Variants in IGSF9B observed in about 807,000 individuals in gnomAD.
IGSF9B encodes protein turtle homolog B.
Under a neutral mutation model 143.7 loss-of-function variants are expected in IGSF9B, and 48 were observed. That is an observed-to-expected ratio of 0.33 (90% CI 0.26 to 0.42). IGSF9B has a LOEUF of 0.42. Ranked by LOEUF, IGSF9B falls within the 20% of genes least tolerant of loss-of-function variation. The pLI, the probability that IGSF9B is intolerant of heterozygous loss-of-function variation, is 1.00. For synonymous variants in IGSF9B, 903 were observed against 833.1 expected, an observed-to-expected ratio of 1.08 and a Z score of -1.44; for missense variants, 1,706 against 1,980.0, an observed-to-expected ratio of 0.86 and a Z score of 2.63.
At chr11:133,916,300 G>A (rs796772531) in intron 18 of IGSF9B, among the ~76,000 whole-genome samples, 33 of 152,322 alleles carry the variant, frequency 2.2e-4, no homozygotes, top group African/African-American at 6.5e-4. Context: ...AGAGGCAGGG[G>A]CAACAACTAC....
chr11:133,947,174 G>C (rs568995053), intron 1 of IGSF9B, among the ~76,000 whole-genome samples: 1 of 152,152 alleles, frequency 6.6e-6, no homozygotes, highest in Admixed American at 6.5e-5. Context: ...GCTAGAGGAC[G>C]CCGCAGAGAG....
rs990040853 is a variant in IGSF9B at position 133,931,322 on chromosome 11, G to C, written c.1368+131C>G. ...GCCTGGTCAGGGCAGGTCCAGAATA[G>C]AACTGCTCGCTGGGCCCTCACACCT... On this transcript the variant is annotated intron_variant, in intron 10 of 19. Coordinates refer to ENST00000533871, the MANE Select transcript of IGSF9B (RefSeq NM_001277285.4). This position sits in a 1 kb window ranked among gnomAD's most constrained non-coding sequence, Gnocchi z 7.7. The C allele has an allele frequency of 3.5e-6, 3 of 856,528 alleles. No individual in the cohort carries two copies. Among genetic ancestry groups the C allele is most frequent in the South Asian group, 1.7e-5 (1 of 58,508 alleles). 53.1% of individuals were successfully genotyped at this position (856,528 alleles called of 1,614,324 possible).
At chr11:133,942,451 C>A (rs934150929) in intron 3 of IGSF9B, among the ~76,000 whole-genome samples, 4 of 152,186 alleles carry the variant, frequency 2.6e-5, no homozygotes, top group African/African-American at 9.7e-5. Context: ...AACTCCCACT[C>A]GTGCAAACTA....
At chr11:133,926,746 A>C (rs1565431053) in intron 13 of IGSF9B, among the ~76,000 whole-genome samples, 170 bp downstream of exon 13, 1 of 152,256 alleles carries the variant, frequency 6.6e-6, no homozygotes, top group Non-Finnish European at 1.5e-5. Flanking sequence ...CAGGACCAGC[A>C]AACCCCACAG....
At chr11:133,926,775 AC>A in intron 13 of IGSF9B, 140 bp downstream of exon 13, 2 of 651,630 alleles carry the variant, frequency 3.1e-6, no homozygotes, top group East Asian at 5.7e-5. Context: ...ACAAATCCTC[AC>A]GGGGAGATCA....
rs1939253831 is a variant in IGSF9B at position 133,908,860 on chromosome 11, G to A, written c.*209C>T. 9 of 554,242 alleles carry A rather than the reference G, an allele frequency of 1.6e-5. No homozygotes were observed. Among genetic ancestry groups the A allele is most frequent in the Admixed American group, 6.3e-5 (2 of 31,620 alleles). 34.3% of individuals were successfully genotyped at this position (554,242 alleles called of 1,614,324 possible). ...AGTCTCCAATCCACTTCCTGACCTC[G>A]ACCCACAGGTGGAAGGTGTGCCCAC... On this transcript the variant is annotated 3_prime_UTR_variant, in exon 20 of 20. Coordinates refer to ENST00000533871, the MANE Select transcript of IGSF9B (RefSeq NM_001277285.4).
chr11:133,927,845 T>C (rs1939655122), intron 12 of IGSF9B, among the ~76,000 whole-genome samples: 4 of 152,164 alleles, frequency 2.6e-5, no homozygotes, highest in Admixed American at 2.0e-4. Flanking sequence ...TGTAACCTGG[T>C]GGGTGCCCTC....
chr11:133,955,009 C>G (rs546574492), intron 1 of IGSF9B, among the ~76,000 whole-genome samples: 85 of 152,184 alleles, frequency 5.6e-4, no homozygotes, highest in Non-Finnish European at 1.2e-3. Flanking sequence ...AGTCCATTGC[C>G]CACCCTGACT....
At chr11:133,919,445 G>A (rs1298941660) in intron 18 of IGSF9B, among the ~76,000 whole-genome samples, 2 of 152,330 alleles carry the variant, frequency 1.3e-5, no homozygotes, top group Non-Finnish European at 1.5e-5. Context: ...CCCCCGCAAG[G>A]GCACGCGCTG....
rs1939741764 is a variant in IGSF9B, at chr11:133,932,079, C to T, written c.1102G>A (p.Val368Ile). ...KWNKDGRPLQ[V>I]EKNLGWTLME... Reference sequence around the variant, plus strand: ...ATGCATCTCTCTAGCACCTTCTCAACCTGCAGGGGACGGCCGTCCTTGTTC... The same window carrying T: ...ATGCATCTCTCTAGCACCTTCTCAATCTGCAGGGGACGGCCGTCCTTGTTC... The change falls in exon 8 of 20, where the codon GTT becomes ATT. Residue 368 changes from valine (V) to isoleucine (I), a missense_variant. Val to Ile is a conservative substitution (Grantham distance 29, BLOSUM62 3). Around this residue, in one of 7 missense-constraint regions of IGSF9B, gnomAD observed 238 missense variants for 452.6 expected, o/e 0.53. Transcript: ENST00000533871. 3 of 1,612,832 alleles carry T rather than the reference C, an allele frequency of 1.9e-6. No homozygotes were observed. The highest frequency in any genetic ancestry group is 2.5e-6 in the Non-Finnish European group (3 of 1,179,120).
In IGSF9B at chr11:133,920,078, G is replaced by C. The variant is rs1939488779; in HGVS notation, c.3647C>G (p.Pro1216Arg). 6.5e-7 allele frequency: 1 copy of C among 1,533,414 alleles called. No individual in the cohort carries two copies. The highest frequency in any genetic ancestry group is 2.3e-5 in the East Asian group (1 of 44,078). The allele number at this position is 1,533,414 out of a possible 1,614,324, so 95.0% of individuals were successfully genotyped here. The change falls in exon 18 of 20, where the codon CCT (proline) becomes CGT (arginine). Residue 1216 changes from proline (P) to arginine (R), a missense_variant. This residue lies in a region of IGSF9B where 880 missense variants were observed against 762.9 expected (regional missense o/e 1.15). Coordinates refer to ENST00000533871, the MANE Select transcript of IGSF9B (RefSeq NM_001277285.4). ...AGGCCGGGCACGGGCGGCGAGCTCA[G>C]GGGAGCCGGTGCGGGAGCTGAGGGG... ...QSPLSSRTGSPELAARARPRP... is the reference protein window; with the variant it reads ...QSPLSSRTGSRELAARARPRP...
chr11:133,919,096 C>A, intron 18 of IGSF9B: 1 of 345,826 alleles, frequency 2.9e-6, no homozygotes, highest in East Asian at 1.2e-4. Flanking sequence ...GTCTGTCTCT[C>A]TGCAGCTTCC....
rs1939021357 is a variant in IGSF9B, at chr11:133,896,580, CTCA to C, written c.*12486_*12488del. 1 of 152,216 alleles carries C rather than the reference CTCA, an allele frequency of 6.6e-6. No homozygotes were observed. Among genetic ancestry groups the C allele is most frequent in the African/African-American group, 2.4e-5 (1 of 41,452 alleles). The allele number at this position is 152,216 out of a possible 1,614,324, so 9.4% of individuals were successfully genotyped here. Reference sequence around the variant, plus strand: ...CGGGGTACCTGCACTGGCTGCACATCTCATCATTTGATGTGTGCCTTCTTTTTT... The same window carrying C: ...CGGGGTACCTGCACTGGCTGCACATCTCATTTGATGTGTGCCTTCTTTTTT... On this transcript the variant is annotated 3_prime_UTR_variant, in exon 20 of 20. Transcript: ENST00000533871.
At position 133,908,757 on chromosome 11, in the gene IGSF9B, C is replaced by A; in HGVS notation, c.*312G>T. The A allele has an allele frequency of 3.3e-6, 1 of 306,018 alleles. No homozygotes were observed. The allele number at this position is 306,018 out of a possible 1,614,324, so 19.0% of individuals were successfully genotyped here. A position where few individuals can be genotyped will look rare whatever the true frequency, so the allele number is the denominator to read the frequency against. On this transcript the variant is annotated 3_prime_UTR_variant, in exon 20 of 20. Transcript: ENST00000533871. ...GTAAAAGCCATTGCTTTCCTCTTCA[C>A]TTCCAAAGACATTGGAAGAGATGAG...
intron 12 of IGSF9B, 48 bp downstream of exon 12, chr11:133,929,623 G>A (rs777485297): frequency 5.8e-6 from 8 of 1,368,886 alleles, no homozygotes; most frequent in Non-Finnish European, 8.3e-6. Flanking sequence ...CCGGGGAGGG[G>A]AGAAGCAGAG....
Position 133,931,591 on chromosome 11 carries a change from C to A in IGSF9B, c.1252-22G>T, listed in dbSNP as rs781597309. ...GGTCCTGGGGAGGAAAGCACAGGCA[C>A]CCTCGTGAGGCCGGGGATCCAGGTG... On this transcript the variant is annotated intron_variant, in intron 9 of 19. Transcript: ENST00000533871. This position sits in a 1 kb window ranked among gnomAD's most constrained non-coding sequence, Gnocchi z 7.7. 34 of 1,611,218 alleles carry A rather than the reference C, an allele frequency of 2.1e-5. No individual in the cohort carries two copies. In the Admixed American group the frequency reaches 4.0e-4, roughly 19 times the overall value.
chr11:133,916,823 G>C (rs538194985), intron 18 of IGSF9B, among the ~76,000 whole-genome samples: 11 of 152,272 alleles, frequency 7.2e-5, no homozygotes, highest in Non-Finnish European at 1.0e-4. Context: ...AGGAGTCACA[G>C]CTGGGACAGG....
chr11:133,928,687 T>C lies in IGSF9B; in HGVS notation c.1631+984A>G, dbSNP rs1939672016. 6.6e-6 allele frequency among the ~76,000 whole-genome samples: 1 copy of C among 152,152 alleles called. No homozygotes were observed. The highest frequency in any genetic ancestry group is 1.5e-5 in the Non-Finnish European group (1 of 68,018). ...TGCCACTCTTACTCAAACAGGAGTGTAGGGAGGGGCAGCCCTTGGGGGTGG... is the reference window on the plus strand; with the variant it reads ...TGCCACTCTTACTCAAACAGGAGTGCAGGGAGGGGCAGCCCTTGGGGGTGG... On this transcript the variant is annotated intron_variant, in intron 12 of 19. Transcript: ENST00000533871. The surrounding 1 kb of genome is among the most constrained non-coding windows in gnomAD (Gnocchi z 4.7).
At position 133,905,482 on chromosome 11, in the gene IGSF9B, G is replaced by A. The variant is rs1208143048; in HGVS notation, c.*3587C>T. Among the ~76,000 whole-genome samples, 2 of 152,204 alleles carry A rather than the reference G, an allele frequency of 1.3e-5. No homozygotes were observed. Among genetic ancestry groups the A allele is most frequent in the East Asian group, 1.9e-4 (1 of 5,168 alleles). ...TTTCCTCAGCACAAAAAGGGCAGAG[G>A]AATAAATTAAATCAGTTCAACCCCA... On this transcript the variant is annotated 3_prime_UTR_variant, in exon 20 of 20. Coordinates refer to ENST00000533871, the MANE Select transcript of IGSF9B (RefSeq NM_001277285.4). This position sits in a 1 kb window ranked among gnomAD's most constrained non-coding sequence, Gnocchi z 4.0.
Sources: gnomAD v4.1 joint callset for allele counts (sites outside exome capture counted in the v4.1 genomes callset) on GRCh38, gnomAD v4.1.1 for gene constraint, gnomAD v4.1.1 regional missense constraint, Gnocchi (gnomAD v3.1) non-coding constraint, MANE v1.5 for transcripts, NCBI Gene and HGNC (gene_info 2026-07-23, HGNC 2026-07-21) for gene names.